The following ZFHX3 variants were observed in gnomAD, a reference collection of about 807,000 sequenced individuals.
ZFHX3 encodes zinc finger homeobox protein 3.
ZFHX3 carries 42 observed loss-of-function variants against 279.1 expected under a neutral mutation model. The ratio of observed to expected loss-of-function variants is 0.15; its 90% confidence interval spans 0.12 to 0.19. The LOEUF is 0.19. ZFHX3 is among the 10% of genes least tolerant of loss of function. The pLI, the probability that ZFHX3 is intolerant of heterozygous loss-of-function variation, is 1.00. For missense variants in ZFHX3, 4,981 were observed against 4,754.0 expected (o/e 1.05, Z -1.40); for synonymous variants, 2,293 against 1,957.8 (o/e 1.17, Z -4.52).
At chr16:73,382,710 A>T (rs1312008458) in intron 3 of ZFHX3, among the ~76,000 whole-genome samples, 3 of 152,228 alleles carry the variant, frequency 2.0e-5, no homozygotes, top group African/African-American at 7.2e-5. Context: ...CCGCTATGGA[A>T]TCTAGGCCAA....
chr16:72,909,726 A>C (rs1276125733), intron 3 of ZFHX3, among the ~76,000 whole-genome samples: 1 of 151,772 alleles, frequency 6.6e-6, no homozygotes, highest in African/African-American at 2.4e-5. Flanking sequence ...AAAAATACAA[A>C]AATTAGCTGG....
intron 4 of ZFHX3, among the ~76,000 whole-genome samples, chr16:73,258,511 G>A (rs1215404849): frequency 1.3e-5 from 2 of 151,806 alleles, no homozygotes; most frequent in African/African-American, 2.4e-5. Flanking sequence ...CACCACACCT[G>A]GCTAATTTTT....
intron 2 of ZFHX3, among the ~76,000 whole-genome samples, chr16:73,577,524 T>A (rs2143817224): frequency 6.6e-6 from 1 of 152,294 alleles, no homozygotes; most frequent in African/African-American, 2.4e-5. Flanking sequence ...CTGAGCAGGC[T>A]GTTTCTTATG....
At chr16:73,516,249 G>C (rs189346530) in intron 2 of ZFHX3, among the ~76,000 whole-genome samples, 51 of 152,338 alleles carry the variant, frequency 3.3e-4, no homozygotes, top group African/African-American at 1.2e-3. Flanking sequence ...GCGGGACTTA[G>C]AGCAGCATGT....
intron 2 of ZFHX3, among the ~76,000 whole-genome samples, chr16:73,458,939 C>T (rs2018424341): frequency 1.3e-5 from 2 of 152,158 alleles, no homozygotes; most frequent in African/African-American, 4.8e-5. Context: ...AAACGACTTA[C>T]CCAAGAAGCT....
intron 3 of ZFHX3, among the ~76,000 whole-genome samples, chr16:73,379,701 G>T (rs554793148): frequency 1.3e-5 from 2 of 152,256 alleles, no homozygotes; most frequent in South Asian, 4.1e-4. Context: ...GTCAACATGA[G>T]CAAAAAAATA....
chr16:73,145,620 T>C (rs1265796902), intron 5 of ZFHX3, among the ~76,000 whole-genome samples: 1 of 152,246 alleles, frequency 6.6e-6, no homozygotes, highest in East Asian at 1.9e-4. Context: ...TTTCCACTTA[T>C]GATGGATTTC....
chr16:73,800,184 G>A (rs1056922433), intron 1 of ZFHX3, among the ~76,000 whole-genome samples: 1 of 151,668 alleles, frequency 6.6e-6, no homozygotes, highest in East Asian at 1.9e-4. Context: ...CCACCGTGGC[G>A]CAAGACTGCT....
At chr16:73,873,909 A>G (rs1050532669) in intron 1 of ZFHX3, among the ~76,000 whole-genome samples, 6 of 152,104 alleles carry the variant, frequency 3.9e-5, no homozygotes, top group East Asian at 1.9e-4. Context: ...AAAAGCTCCA[A>G]ATTTGCAGCA....
chr16:73,279,001 TG>T (rs1567438167), intron 4 of ZFHX3, among the ~76,000 whole-genome samples: 2 of 152,220 alleles, frequency 1.3e-5, no homozygotes, highest in South Asian at 4.1e-4. Context: ...TACTACTAAG[TG>T]GGGGGCATCC....
At chr16:73,462,622 G>A (rs1195949791) in intron 2 of ZFHX3, among the ~76,000 whole-genome samples, 1 of 151,976 alleles carries the variant, frequency 6.6e-6, no homozygotes, top group South Asian at 2.1e-4. Context: ...TCATGAATAG[G>A]TATTCAATTT....
chr16:73,288,317 A>G (rs1207011934), intron 4 of ZFHX3, among the ~76,000 whole-genome samples: 1 of 152,136 alleles, frequency 6.6e-6, no homozygotes, highest in Non-Finnish European at 1.5e-5. Flanking sequence ...CCCAGACAGA[A>G]GCTGGACATC....
chr16:73,318,515 CT>C (rs376606896), intron 3 of ZFHX3, among the ~76,000 whole-genome samples: 8 of 149,478 alleles, frequency 5.4e-5, no homozygotes, highest in African/African-American at 9.8e-5. Context: ...ACTGTTTTTG[CT>C]TTTTTTTTTC....
chr16:72,955,827 C>T (rs1456909958), intron 2 of ZFHX3, among the ~76,000 whole-genome samples: 4 of 151,494 alleles, frequency 2.6e-5, no homozygotes. Flanking sequence ...AACCTACCCA[C>T]GTTCCCACGT....
intron 1 of ZFHX3, among the ~76,000 whole-genome samples, chr16:72,999,750 A>C (rs906418699): frequency 6.6e-6 from 1 of 152,182 alleles, no homozygotes; most frequent in Non-Finnish European, 1.5e-5. Flanking sequence ...ACGAGACCAC[A>C]CACACTTTGG....
intron 5 of ZFHX3, among the ~76,000 whole-genome samples, chr16:73,146,800 C>T (rs928815866): frequency 6.6e-6 from 1 of 152,072 alleles, no homozygotes; most frequent in Non-Finnish European, 1.5e-5. Flanking sequence ...GGACTACAGG[C>T]GCCACCACCA....
At chr16:73,639,075 A>C (rs970273556) in intron 2 of ZFHX3, among the ~76,000 whole-genome samples, 1 of 152,192 alleles carries the variant, frequency 6.6e-6, no homozygotes, top group Admixed American at 6.5e-5. Context: ...TACAGAAAAA[A>C]ATACCATGCA....
At chr16:73,863,789 C>G (rs1398640304) in intron 1 of ZFHX3, among the ~76,000 whole-genome samples, 1 of 152,114 alleles carries the variant, frequency 6.6e-6, no homozygotes, top group Admixed American at 6.5e-5. Flanking sequence ...TCAGGAAGAG[C>G]TCAATAGATG....
intron 7 of ZFHX3, chr16:73,127,466 G>A (rs548864575): frequency 1.4e-5 from 18 of 1,305,444 alleles, no homozygotes; most frequent in South Asian, 1.4e-4. Context: ...GCGAGAGCCG[G>A]GCATCGACAG....
Sources: gnomAD v4.1 joint callset for allele counts (sites outside exome capture counted in the v4.1 genomes callset) on GRCh38, gnomAD v4.1.1 for gene constraint, MANE v1.5 for transcripts, NCBI Gene and HGNC (gene_info 2026-07-23, HGNC 2026-07-21) for gene names.